The following ABI3BP variants were observed in gnomAD, a reference collection of about 807,000 sequenced individuals.
ABI3BP encodes the protein target of Nesh-SH3.
A neutral mutation model predicts 268.6 loss-of-function variants in ABI3BP; 216 were observed. That is an observed-to-expected ratio of 0.80 (90% CI 0.72 to 0.90). The LOEUF is 0.90. ABI3BP is among the 40% of genes least tolerant of loss of function. The pLI is 0.00. For missense variants in ABI3BP, 2,090 were observed against 2,182.4 expected (o/e 0.96, Z 0.84); for synonymous variants, 730 against 730.0 (o/e 1.00, Z 0.00).
chr3:100,923,866 T>C (rs2153629054), intron 2 of ABI3BP, among the ~76,000 whole-genome samples: 1 of 152,042 alleles, frequency 6.6e-6, no homozygotes, highest in African/African-American at 2.4e-5. Context: ...TAGGTGAAAA[T>C]TTGATGGAGA....
chr3:100,827,392 A>G (rs778328705), intron 34 of ABI3BP, among the ~76,000 whole-genome samples: 2 of 152,096 alleles, frequency 1.3e-5, no homozygotes, highest in Non-Finnish European at 2.9e-5. Context: ...TATCAGTGAC[A>G]GGCTCCTAAG....
At chr3:100,946,788 C>CAA (rs71800962) in intron 1 of ABI3BP, among the ~76,000 whole-genome samples, 9 of 87,120 alleles carry the variant, frequency 1.0e-4, no homozygotes, top group African/African-American at 2.6e-4. Context: ...AACTCCGTTT[C>CAA]AAAAAAAAAA....
chr3:100,970,284 T>TA (rs944404502), intron 1 of ABI3BP, among the ~76,000 whole-genome samples: 3 of 152,244 alleles, frequency 2.0e-5, no homozygotes, highest in African/African-American at 7.2e-5. Flanking sequence ...TGCTCAGTGG[T>TA]AAAATCAGAA....
intron 6 of ABI3BP, among the ~76,000 whole-genome samples, chr3:100,883,629 T>C (rs1051456146): frequency 2.4e-4 from 36 of 152,074 alleles, no homozygotes; most frequent in African/African-American, 8.2e-4. Flanking sequence ...TGAAAATATA[T>C]AAAGTTGACA....
rs765078839 is a variant in ABI3BP, at chr3:100,808,148, AAT to A, written c.3682+11_3682+12del. The A allele has an allele frequency of 1.2e-6, 2 of 1,608,160 alleles. No homozygotes were observed. The highest frequency in any genetic ancestry group is 2.2e-5 in the South Asian group (2 of 90,300). ...TCAAACTTTTCAAGCTAAAATGTAA[AAT>A]ATATATTTACCTGGTTGTGTTTGTG... On this transcript the variant is annotated intron_variant, in intron 50 of 67. Coordinates refer to ENST00000471714, the MANE Select transcript of ABI3BP (RefSeq NM_001375547.2).
intron 50 of ABI3BP, among the ~76,000 whole-genome samples, chr3:100,806,001 G>C (rs1023179773): frequency 1.3e-5 from 2 of 151,732 alleles, no homozygotes; most frequent in Admixed American, 1.3e-4. Context: ...AAAAATTCTA[G>C]GTATACAATT....
intron 4 of ABI3BP, among the ~76,000 whole-genome samples, chr3:100,894,956 A>AAAAAAAACAAAAAAAAAC (rs1282920182): frequency 7.6e-6 from 1 of 131,438 alleles, no homozygotes; most frequent in Non-Finnish European, 1.7e-5. Flanking sequence ...AAAAAAAAAA[A>AAAAAAAACAAAAAAAAAC]AAAAAAAAAA....
chr3:100,895,421 G>A (rs1237409999), intron 4 of ABI3BP, among the ~76,000 whole-genome samples: 2 of 152,098 alleles, frequency 1.3e-5, no homozygotes, highest in Non-Finnish European at 2.9e-5. Flanking sequence ...AAAACAATGA[G>A]GGTTTTCTAA....
In ABI3BP at chr3:100,838,464, G is replaced by C. The variant is rs2098638666; in HGVS notation, c.1946C>G (p.Ala649Gly). 1 of 1,535,138 alleles carries C rather than the reference G, an allele frequency of 6.5e-7. No homozygotes were observed. Among genetic ancestry groups the C allele is most frequent in the Admixed American group, 2.0e-5 (1 of 50,954 alleles). The change falls in exon 25 of 68, where the codon GCC becomes GGC. Residue 649 changes from alanine (A) to glycine (G), a missense_variant and splice_region_variant. By Grantham distance (60) the Ala-to-Gly change is moderately conservative. Transcript: ENST00000471714. Reference protein sequence around the residue: ...IQPEPLVPTTASKPSERPKTT... With the variant: ...IQPEPLVPTTGSKPSERPKTT... Reference sequence around the variant, plus strand: ...TTTAGGTCTCTCAGATGGTTTTGAGGCTAAAGAAAAAGGTATTAAAATTAC... The same window carrying C: ...TTTAGGTCTCTCAGATGGTTTTGAGCCTAAAGAAAAAGGTATTAAAATTAC...
Position 100,898,879 on chromosome 3 carries a change from C to T in ABI3BP, c.344G>A (p.Arg115His), listed in dbSNP as rs377514499. The T allele has an allele frequency of 6.0e-5, 97 of 1,609,458 alleles. No individual in the cohort carries two copies. The Admixed American group carries it at 1.2e-3, about 20-fold the overall frequency. ...KKSCSGKTRS[R>H]KPLQLVVGTL... ...GCCAACCACCAGCTGCAGAGGTTTG[C>T]GAGAACGAGTTTTACCTGTGGAGGT... Residue 115 changes from arginine (R) to histidine (H), a missense_variant, in exon 4 of 68, where the codon CGC (arginine) becomes CAC (histidine). Transcript: ENST00000471714.
chr3:100,769,469 C>T (rs987916130), intron 62 of ABI3BP, among the ~76,000 whole-genome samples: 2 of 152,112 alleles, frequency 1.3e-5, no homozygotes, highest in Admixed American at 6.5e-5. Context: ...AAAGTTACAT[C>T]GGATATTATG....
intron 9 of ABI3BP, among the ~76,000 whole-genome samples, chr3:100,869,073 A>G (rs1286382804): frequency 6.6e-6 from 1 of 151,776 alleles, no homozygotes; most frequent in Non-Finnish European, 1.5e-5. Flanking sequence ...AGAATATCCC[A>G]TGTTCTCAGT....
At chr3:100,928,654 C>A (rs1486673471) in intron 1 of ABI3BP, among the ~76,000 whole-genome samples, 1 of 151,932 alleles carries the variant, frequency 6.6e-6, no homozygotes, top group African/African-American at 2.4e-5. Context: ...TATACTGTGG[C>A]AAAATAAAAA....
intron 5 of ABI3BP, 89 bp downstream of exon 5, chr3:100,886,053 T>C: frequency 1.0e-6 from 1 of 1,003,914 alleles, no homozygotes; most frequent in Non-Finnish European, 1.4e-6. Context: ...GCTTATTTCA[T>C]ATTATACAAT....
chr3:100,958,076 A>G (rs930585221), intron 1 of ABI3BP, among the ~76,000 whole-genome samples: 2 of 152,234 alleles, frequency 1.3e-5, no homozygotes, highest in Non-Finnish European at 2.9e-5. Flanking sequence ...AGTGGACACT[A>G]TCAAATTCTG....
At chr3:100,966,000 C>G (rs1383964008) in intron 1 of ABI3BP, among the ~76,000 whole-genome samples, 1 of 152,178 alleles carries the variant, frequency 6.6e-6, no homozygotes, top group Non-Finnish European at 1.5e-5. Flanking sequence ...GGGCCCCAAA[C>G]AGTCCATGAA....
At position 100,837,151 on chromosome 3, in the gene ABI3BP, C is replaced by T; in HGVS notation, c.2104G>A (p.Glu702Lys). 1 of 1,534,684 alleles carries T rather than the reference C, an allele frequency of 6.5e-7. No individual in the cohort carries two copies. The highest frequency in any genetic ancestry group is 2.4e-5 in the East Asian group (1 of 40,846). ...TKSVSEPVPF[E>K]TEAPSMTIVP... ...ATGGTCATTGAGGGAGCTTCAGTTT[C>T]AAATGGAACAGGCTCAGAGACTGCA... The change falls in exon 27 of 68, where the codon GAA (glutamate) becomes AAA (lysine). Residue 702 changes from glutamate (E) to lysine (K), a missense_variant. By Grantham distance (56) the Glu-to-Lys change is moderately conservative. Transcript: ENST00000471714.
At chr3:100,913,340 A>C (rs1256869141) in intron 2 of ABI3BP, among the ~76,000 whole-genome samples, 1 of 152,218 alleles carries the variant, frequency 6.6e-6, no homozygotes, top group East Asian at 1.9e-4. Flanking sequence ...AGAATCAATA[A>C]CGACTACAGA....
At chr3:100,819,461 C>G (rs1461171733) in intron 40 of ABI3BP, among the ~76,000 whole-genome samples, 1 of 152,080 alleles carries the variant, frequency 6.6e-6, no homozygotes, top group Non-Finnish European at 1.5e-5. Flanking sequence ...ATGTTTCATA[C>G]TGGGACAGGT....
Sources: gnomAD v4.1 joint callset for allele counts (sites outside exome capture counted in the v4.1 genomes callset) on GRCh38, gnomAD v4.1.1 for gene constraint, MANE v1.5 for transcripts, NCBI Gene and HGNC (gene_info 2026-07-23, HGNC 2026-07-21) for gene names.